Variants in RELN observed in about 807,000 individuals in gnomAD.
RELN encodes reelin.
A neutral mutation model predicts 427.6 loss-of-function variants in RELN; 108 were observed. The ratio of observed to expected loss-of-function variants is 0.25; its 90% CI spans 0.22 to 0.30. The LOEUF (loss-of-function observed/expected upper bound fraction) is 0.30. Among genes scored for constraint, RELN ranks in the 10% least tolerant of loss-of-function variants. The pLI, the probability that RELN is intolerant of heterozygous loss-of-function variation, is 1.00. For synonymous variants in RELN, 1,524 were observed against 1,513.4 expected (o/e 1.01, Z -0.16); for missense variants, 3,715 against 4,302.8 (o/e 0.86, Z 3.82).
rs569199274 is a variant in RELN, at chr7:103,606,257, G to A, written c.3009-1774C>T. Among the ~76,000 whole-genome samples the A allele has an allele frequency of 2.0e-5, 3 of 152,292 alleles. No individual in the cohort carries two copies. In the East Asian group the frequency reaches 5.8e-4, roughly 29 times the overall value. On this transcript the variant is annotated intron_variant, in intron 22 of 64. Transcript: ENST00000428762. ...ATCTTTAGTCTCCATAGTTTGCACA[G>A]GAACAGAATAAAGTAGGTGTCCAAA...
intron 11 of RELN, among the ~76,000 whole-genome samples, chr7:103,669,318 T>G (rs1833339451): frequency 6.6e-6 from 1 of 152,196 alleles, no homozygotes; most frequent in African/African-American, 2.4e-5. Flanking sequence ...TTTGCAAAAG[T>G]CCTGTTGCTT....
At chr7:103,723,854 G>T (rs1040506434) in intron 7 of RELN, among the ~76,000 whole-genome samples, 1 of 152,114 alleles carries the variant, frequency 6.6e-6, no homozygotes, top group Non-Finnish European at 1.5e-5. Flanking sequence ...ATAGAATTAT[G>T]AACCTAGAAA....
rs780637621 is a variant in RELN, at chr7:103,489,897, G to A, written c.9608C>T (p.Ala3203Val). The A allele has an allele frequency of 1.2e-6, 2 of 1,614,104 alleles. No individual in the cohort carries two copies. The highest frequency in any genetic ancestry group is 1.1e-5 in the South Asian group (1 of 91,066). ...IQLPDHVSSS[A>V]TQFRWIQKGE... Reference sequence around the variant, plus strand: ...CTTCTGGATCCAGCGGAACTGTGTTGCACTGAAAGAACCACAGAGAGCAGA... The same window carrying A: ...CTTCTGGATCCAGCGGAACTGTGTTACACTGAAAGAACCACAGAGAGCAGA... The change falls in exon 60 of 65, where the codon GCA becomes GTA. Residue 3203 changes from alanine to valine, a missense_variant and splice_region_variant. Transcript: ENST00000428762.
intron 5 of RELN, among the ~76,000 whole-genome samples, chr7:103,750,769 G>A (rs956165741): frequency 2.2e-4 from 34 of 152,168 alleles, no homozygotes; most frequent in African/African-American, 7.7e-4. Context: ...CTGCATAAGA[G>A]AATTTATCTA....
chr7:103,604,775 A>G (rs1314482427), intron 22 of RELN, among the ~76,000 whole-genome samples: 1 of 152,134 alleles, frequency 6.6e-6, no homozygotes, highest in Non-Finnish European at 1.5e-5. Flanking sequence ...TGCTAGAAAA[A>G]GTACTAAGAA....
chr7:103,733,126 G>A (rs955908058), intron 6 of RELN, among the ~76,000 whole-genome samples: 139 of 152,144 alleles, frequency 9.1e-4, no homozygotes, highest in African/African-American at 2.7e-3. Flanking sequence ...AAAAGTGGGC[G>A]AAGGACATGA....
At position 103,563,413 on chromosome 7, in the gene RELN, C is replaced by T. The variant is rs1830681747; in HGVS notation, c.5211-1460G>A. On this transcript the variant is annotated intron_variant, in intron 34 of 64. Coordinates refer to ENST00000428762, the MANE Select transcript of RELN (RefSeq NM_005045.4). This position sits in a 1 kb window ranked among gnomAD's most constrained non-coding sequence, Gnocchi z 4.1. The stretch of plus-strand genomic sequence containing the variant: ...GAAAGAAGTTTTCAAAGTTAAAGTT[C>T]TCAAAATATTAAAAGCTTACAGAAT... Among the ~76,000 whole-genome samples the T allele has an allele frequency of 6.6e-6, 1 of 152,064 alleles. No individual in the cohort carries two copies. The highest frequency in any genetic ancestry group is 1.5e-5 in the Non-Finnish European group (1 of 68,008).
chr7:103,763,573 G>A (rs1212522743), intron 4 of RELN, among the ~76,000 whole-genome samples: 2 of 152,200 alleles, frequency 1.3e-5, no homozygotes, highest in Non-Finnish European at 2.9e-5. Flanking sequence ...TTAAGGATGA[G>A]CGCAACTTCA....
At chr7:103,616,458 T>C (rs1347468218) in intron 20 of RELN, among the ~76,000 whole-genome samples, 1 of 152,144 alleles carries the variant, frequency 6.6e-6, no homozygotes, top group Admixed American at 6.6e-5. Context: ...GTTATTTCTA[T>C]GGTATTACAT....
chr7:103,924,985 TACACATACACACACACACACACACAC>T lies in RELN; in HGVS notation c.227-7826_227-7801del, dbSNP rs1242451548. The stretch of plus-strand genomic sequence containing the variant: ...TCTCTGACACACGTGTGCATGCGCA[TACACATACACACACACACACACACAC>T]ACACACACACACACACACACACACA... On this transcript the variant is annotated intron_variant, in intron 1 of 64. Coordinates refer to ENST00000428762, the MANE Select transcript of RELN (RefSeq NM_005045.4). Among the ~76,000 whole-genome samples, 524 of 137,640 alleles carry T rather than the reference TACACATACACACACACACACACACAC, an allele frequency of 3.8e-3. 4 individuals are homozygous for T. The highest frequency in any genetic ancestry group is 0.01 in the African/African-American group (374 of 36,156). 90.3% of individuals were successfully genotyped at this position (137,640 alleles called of 152,430 possible). A position where few individuals can be genotyped will look rare whatever the true frequency, so the allele number is the denominator to read the frequency against.
rs1449812100 is a variant in RELN, at chr7:103,542,737, T to C, written c.6665A>G (p.His2222Arg). 6.2e-7 allele frequency: 1 copy of C among 1,614,164 alleles called. No homozygotes were observed. Among genetic ancestry groups the C allele is most frequent in the Non-Finnish European group, 8.5e-7 (1 of 1,179,998 alleles). The change falls in exon 43 of 65, where the codon CAT becomes CGT. Residue 2222 changes from histidine to arginine, a missense_variant. Physicochemically the swap from His to Arg is conservative, Grantham distance 29. Around this residue, in one of 4 missense-constraint regions of RELN, gnomAD observed 1,310 missense variants for 1,643.0 expected, o/e 0.80. Transcript: ENST00000428762. ...MLMTRDLDLS[H>R]ARFVQFFMRL... ...AGCATCTAAAAATGATTACCTAGCA[T>C]GTGATAAATCCAGGTCTCGTGTCAT...
At chr7:103,671,074 C>T (rs1584394160) in intron 11 of RELN, among the ~76,000 whole-genome samples, 1 of 152,164 alleles carries the variant, frequency 6.6e-6, no homozygotes, top group East Asian at 1.9e-4. Flanking sequence ...GATGGATGCT[C>T]TGCTCTTTAA....
chr7:103,792,642 T>TA (rs1792196095), intron 3 of RELN, among the ~76,000 whole-genome samples: 1 of 152,048 alleles, frequency 6.6e-6, no homozygotes, highest in Non-Finnish European at 1.5e-5. Flanking sequence ...AAAAATGTTA[T>TA]AAAAATTTTT....
chr7:103,943,847 C>CAAAAAAA (rs1796163942), intron 1 of RELN, among the ~76,000 whole-genome samples: 1 of 14,600 alleles, frequency 6.8e-5, no homozygotes, highest in African/African-American at 4.0e-4. Flanking sequence ...GATTCTGTCT[C>CAAAAAAA]CAAAAAAAAA....
At chr7:103,935,546 T>C (rs1795962987) in intron 1 of RELN, among the ~76,000 whole-genome samples, 1 of 152,134 alleles carries the variant, frequency 6.6e-6, no homozygotes, top group South Asian at 2.1e-4. Flanking sequence ...ACTCCTATTC[T>C]ATTCCTACTT....
chr7:103,966,991 C>T (rs755150111), intron 1 of RELN, among the ~76,000 whole-genome samples: 2 of 152,170 alleles, frequency 1.3e-5, no homozygotes, highest in Non-Finnish European at 2.9e-5. Flanking sequence ...TCTACCTTTC[C>T]TTCCTGTGTA....
intron 28 of RELN, among the ~76,000 whole-genome samples, chr7:103,587,288 C>T (rs1831298076): frequency 6.6e-6 from 1 of 152,124 alleles, no homozygotes; most frequent in Admixed American, 6.6e-5. Context: ...GAAAGGACAC[C>T]CTCTGCAATA....
chr7:103,733,490 T>G (rs12705151), intron 6 of RELN, among the ~76,000 whole-genome samples: 1 of 126,622 alleles, frequency 7.9e-6, no homozygotes, highest in Middle Eastern at 3.6e-3. Flanking sequence ...CACATGCACA[T>G]GTATGTTTAT....
chr7:103,680,781 T>C (rs1833636191), intron 11 of RELN, among the ~76,000 whole-genome samples: 1 of 151,934 alleles, frequency 6.6e-6, no homozygotes, highest in South Asian at 2.1e-4. Flanking sequence ...CAAGGAGACA[T>C]TGGAGCTGTA....
Sources: gnomAD v4.1 joint callset for allele counts (sites outside exome capture counted in the v4.1 genomes callset) on GRCh38, gnomAD v4.1.1 for gene constraint, gnomAD v4.1.1 regional missense constraint, Gnocchi (gnomAD v3.1) non-coding constraint, MANE v1.5 for transcripts, NCBI Gene and HGNC (gene_info 2026-07-23, HGNC 2026-07-21) for gene names.